Variants in TTC39C observed in about 807,000 individuals in gnomAD.
TTC39C encodes the protein tetratricopeptide repeat protein 39C.
In TTC39C, 33 loss-of-function variants were observed where a neutral mutation model predicts 76.3. The observed-to-expected ratio is 0.43, with a 90% CI of 0.33 to 0.58. The LOEUF (loss-of-function observed/expected upper bound fraction) is 0.58, where lower values mean the gene tolerates loss of function less well. Among genes scored for constraint, TTC39C ranks in the 20% least tolerant of loss-of-function variants. The pLI is 0.04. For synonymous variants in TTC39C, 254 were observed against 260.6 expected (o/e 0.97, Z 0.24); for missense variants, 595 against 701.4 (o/e 0.85, Z 1.71).
chr18:24,115,925 C>T (rs1389267975), intron 7 of TTC39C, among the ~76,000 whole-genome samples: 1 of 152,130 alleles, frequency 6.6e-6, no homozygotes, highest in Admixed American at 6.5e-5. Flanking sequence ...CTTTGGTGGC[C>T]TTTTGTTGGT....
At chr18:24,047,099 T>G (rs771377119) in intron 1 of TTC39C, among the ~76,000 whole-genome samples, 15 of 151,736 alleles carry the variant, frequency 9.9e-5, no homozygotes, top group Non-Finnish European at 2.1e-4. Context: ...TATTTCTTTT[T>G]TTTTCTTTTT....
intron 5 of TTC39C, among the ~76,000 whole-genome samples, chr18:24,082,023 T>G (rs1013891168): frequency 1.3e-5 from 2 of 149,072 alleles, no homozygotes; most frequent in Non-Finnish European, 3.0e-5. Context: ...TTGTTTTTTT[T>G]TTTTTTTTTT....
At position 24,024,036 on chromosome 18, in the gene TTC39C, C is replaced by T. The variant is rs375459216; in HGVS notation, c.167+8998C>T. ...TATATATTTTTTTTTTTTTTTGAGA[C>T]GGAGTCTCACCTTGCCTCCCAGGCT... On this transcript the variant is annotated intron_variant, in intron 1 of 13. Coordinates refer to ENST00000317571, the MANE Select transcript of TTC39C (RefSeq NM_001135993.2). Among the ~76,000 whole-genome samples the T allele has an allele frequency of 2.8e-4, 12 of 42,496 alleles. 1 individual carries two copies. The highest frequency in any genetic ancestry group is 7.8e-4 in the African/African-American group (11 of 14,034). 27.9% of individuals were successfully genotyped at this position (42,496 alleles called of 152,430 possible).
chr18:24,023,608 G>T (rs1163276707), intron 1 of TTC39C, among the ~76,000 whole-genome samples: 1 of 152,004 alleles, frequency 6.6e-6, no homozygotes, highest in African/African-American at 2.4e-5. Context: ...GGGCTCTGGG[G>T]TACCCCTAGG....
At chr18:24,028,631 A>C (rs1178289997) in intron 1 of TTC39C, among the ~76,000 whole-genome samples, 1 of 152,266 alleles carries the variant, frequency 6.6e-6, no homozygotes. Context: ...ACTGGTTCAC[A>C]CAAAATGTTA....
intron 1 of TTC39C, among the ~76,000 whole-genome samples, chr18:24,032,523 A>G (rs1179038456): frequency 6.6e-6 from 1 of 152,248 alleles, no homozygotes; most frequent in Non-Finnish European, 1.5e-5. Flanking sequence ...ATGGGACCGA[A>G]GTCTAAACAC....
intron 12 of TTC39C, among the ~76,000 whole-genome samples, chr18:24,131,388 C>A (rs893808222): frequency 6.6e-6 from 1 of 151,648 alleles, no homozygotes. Context: ...CAAGTAATGT[C>A]CTCATGTAAA....
At chr18:24,045,333 A>G (rs2083853925) in intron 1 of TTC39C, among the ~76,000 whole-genome samples, 1 of 151,090 alleles carries the variant, frequency 6.6e-6, no homozygotes, top group Non-Finnish European at 1.5e-5. Flanking sequence ...TCTGCATTGT[A>G]ACAAGGGGGC....
Position 24,080,929 on chromosome 18 carries a change from C to G in TTC39C, c.805C>G (p.Pro269Ala), listed in dbSNP as rs1289577881. The change falls in exon 5 of 14, where the codon CCT (proline) becomes GCT (alanine). Residue 269 changes from proline (P) to alanine (A), a missense_variant. Transcript: ENST00000317571. ...YASESKDMKA[P>A]LATLALLWYH... is the part of the protein sequence containing the mutation. ...AAGCGAAAGTAAGGACATGAAGGCC[C>G]CTTTAGCTACGTGAGTAGCTGTATT... 3.1e-6 allele frequency: 5 copies of G among 1,611,344 alleles called. No homozygotes were observed. Among genetic ancestry groups the G allele is most frequent in the Non-Finnish European group, 4.2e-6 (5 of 1,178,800 alleles).
At chr18:24,045,268 C>CAAA (rs1363885578) in intron 1 of TTC39C, among the ~76,000 whole-genome samples, 1 of 5,270 alleles carries the variant, frequency 1.9e-4, no homozygotes. Context: ...GACTCTGTCT[C>CAAA]CAAAAAAAAA....
At position 24,133,688 on chromosome 18, in the gene TTC39C, C is replaced by T. The variant is rs777536578; in HGVS notation, c.*1114C>T. On this transcript the variant is annotated 3_prime_UTR_variant, in exon 14 of 14. Transcript: ENST00000317571. ...AGGAATTCAAAGTTATTTTTTTATT[C>T]TTCATTGCTAATTTTTGTCATTTAA... The T allele has an allele frequency of 6.6e-6, 1 of 151,954 alleles. No homozygotes were observed. The highest frequency in any genetic ancestry group is 1.5e-5 in the Non-Finnish European group (1 of 67,978). 9.4% of individuals were successfully genotyped at this position (151,954 alleles called of 1,614,324 possible).
intron 1 of TTC39C, among the ~76,000 whole-genome samples, chr18:24,048,954 T>C (rs1389928275): frequency 2.0e-5 from 3 of 152,228 alleles, no homozygotes; most frequent in Non-Finnish European, 2.9e-5. Context: ...GGAATGAATA[T>C]GTCAATACAT....
chr18:24,110,988 G>A (rs997578467), intron 6 of TTC39C, among the ~76,000 whole-genome samples: 4 of 148,888 alleles, frequency 2.7e-5, no homozygotes, highest in African/African-American at 9.8e-5. Flanking sequence ...GTGGACCAGA[G>A]AAAGACTTTT....
intron 1 of TTC39C, among the ~76,000 whole-genome samples, chr18:24,015,879 T>G (rs181735528): frequency 1.3e-5 from 2 of 152,106 alleles, no homozygotes; most frequent in East Asian, 3.9e-4. Context: ...GGACCTGGAG[T>G]GTTTGTTCTC....
chr18:24,023,945 T>TATATATA (rs2083548244), intron 1 of TTC39C, among the ~76,000 whole-genome samples: 1 of 63,664 alleles, frequency 1.6e-5, no homozygotes, highest in African/African-American at 8.4e-5. Context: ...TATATATATA[T>TATATATA]GCATGTATAT....
intron 6 of TTC39C, among the ~76,000 whole-genome samples, chr18:24,083,728 A>G (rs1011416479): frequency 1.3e-5 from 2 of 149,350 alleles, no homozygotes; most frequent in African/African-American, 4.9e-5. Context: ...TCACTCCAGA[A>G]CCAGAAATGC....
chr18:24,042,595 A>G (rs1162253924), intron 1 of TTC39C, among the ~76,000 whole-genome samples: 1 of 152,120 alleles, frequency 6.6e-6, no homozygotes, highest in African/African-American at 2.4e-5. Context: ...GAACATCTTT[A>G]TACACGTTTT....
At chr18:24,094,728 C>T (rs935541412) in intron 6 of TTC39C, among the ~76,000 whole-genome samples, 3 of 152,200 alleles carry the variant, frequency 2.0e-5, no homozygotes, top group African/African-American at 7.2e-5. Context: ...TATGTCCCAA[C>T]AGTGTGCTTA....
At chr18:24,071,433 A>G (rs1568426668) in intron 4 of TTC39C, among the ~76,000 whole-genome samples, 2 of 152,246 alleles carry the variant, frequency 1.3e-5, no homozygotes, top group South Asian at 2.1e-4. Flanking sequence ...AAATATTAGT[A>G]TGGAATATTT....
Sources: gnomAD v4.1 joint callset for allele counts (sites outside exome capture counted in the v4.1 genomes callset) on GRCh38, gnomAD v4.1.1 for gene constraint, MANE v1.5 for transcripts, NCBI Gene and HGNC (gene_info 2026-07-23, HGNC 2026-07-21) for gene names.